The following METTL15 variants were observed in gnomAD, a reference collection of about 807,000 sequenced individuals.
METTL15 encodes the protein methyltransferase 15, mitochondrial 12S rRNA N4-cytidine.
In METTL15, 34 loss-of-function variants were observed where a neutral mutation model predicts 38.3. The ratio of observed to expected loss-of-function variants is 0.89; its 90% CI spans 0.68 to 1.18. METTL15 has a LOEUF of 1.18. Among genes scored for constraint, METTL15 ranks in the 50% most tolerant of loss-of-function variants. METTL15 has a pLI of 0.00. For missense variants in METTL15, 438 were observed against 498.4 expected, an observed-to-expected ratio of 0.88 and a Z score of 1.15; for synonymous variants, 162 against 170.9, an observed-to-expected ratio of 0.95 and a Z score of 0.41.
chr11:28,204,345 TG>T (rs1852229431), intron 3 of METTL15, among the ~76,000 whole-genome samples: 1 of 151,564 alleles, frequency 6.6e-6, no homozygotes, highest in East Asian at 1.9e-4. Context: ...AATTTAGTGT[TG>T]GCGAGACCTA....
At chr11:28,113,867 T>C (rs562162471) in intron 3 of METTL15, among the ~76,000 whole-genome samples, 3 of 152,336 alleles carry the variant, frequency 2.0e-5, no homozygotes, top group African/African-American at 7.2e-5. Flanking sequence ...ATAGGCTCTG[T>C]GTTAGCTGAT....
At chr11:28,281,375 C>T (rs2133973886) in intron 4 of METTL15, among the ~76,000 whole-genome samples, 1 of 152,266 alleles carries the variant, frequency 6.6e-6, no homozygotes, top group East Asian at 1.9e-4. Context: ...AATGAAGCTG[C>T]CGAAAGTTCT....
chr11:28,131,489 A>G (rs1398522755), intron 3 of METTL15, among the ~76,000 whole-genome samples: 1 of 137,090 alleles, frequency 7.3e-6, no homozygotes, highest in Non-Finnish European at 1.5e-5. Context: ...CCTTTCTACT[A>G]TACTTCCAAG....
chr11:28,190,767 TTAGA>T (rs563106082), intron 3 of METTL15, among the ~76,000 whole-genome samples: 89 of 151,434 alleles, frequency 5.9e-4, no homozygotes, highest in African/African-American at 1.6e-3. Flanking sequence ...CAATGTTTAC[TTAGA>T]TAGAATTGTA....
intron 6 of METTL15, among the ~76,000 whole-genome samples, chr11:28,518,626 G>A (rs1851738994): frequency 6.6e-6 from 1 of 152,152 alleles, no homozygotes; most frequent in Non-Finnish European, 1.5e-5. Context: ...TCATACTGGT[G>A]GTGAAGTAAG....
intron 6 of METTL15, among the ~76,000 whole-genome samples, chr11:28,474,482 A>G (rs543505395): frequency 6.6e-6 from 1 of 152,282 alleles, no homozygotes; most frequent in East Asian, 1.9e-4. Flanking sequence ...ATGAGAAAGT[A>G]AGCTCCTAAA....
chr11:28,170,147 C>T (rs1337397366), intron 3 of METTL15, among the ~76,000 whole-genome samples: 1 of 152,142 alleles, frequency 6.6e-6, no homozygotes, highest in Admixed American at 6.6e-5. Context: ...TCTAATCTCT[C>T]ACCAGAAGAT....
intron 6 of METTL15, among the ~76,000 whole-genome samples, chr11:28,468,264 T>C (rs1336687506): frequency 2.0e-5 from 3 of 152,180 alleles, no homozygotes; most frequent in Non-Finnish European, 4.4e-5. Flanking sequence ...GATTTTTTTC[T>C]AGTCACAAAT....
intron 3 of METTL15, among the ~76,000 whole-genome samples, chr11:28,136,974 G>A (rs1849535447): frequency 6.6e-6 from 1 of 151,498 alleles, no homozygotes. Flanking sequence ...GAGAGAAAAA[G>A]CCAGATTTCA....
chr11:28,152,283 A>G (rs914918917), intron 3 of METTL15, among the ~76,000 whole-genome samples: 1 of 151,730 alleles, frequency 6.6e-6, no homozygotes, highest in African/African-American at 2.4e-5. Context: ...CCTCATAAGC[A>G]CTAGGCCTAA....
rs114876836 is a variant in METTL15 at position 28,190,331 on chromosome 11, T to C, written c.271-20731T>C. 5.7e-3 allele frequency among the ~76,000 whole-genome samples: 866 copies of C among 151,360 alleles called. 11 individuals carry two copies. Among genetic ancestry groups the C allele is most frequent in the African/African-American group, 0.02 (818 of 41,492 alleles). ...GGTCAATTATTATTCTCAGAAGTTG[T>C]AGGCAGAATCATTTCAAACATTTGT... On this transcript the variant is annotated intron_variant, in intron 3 of 6. Coordinates refer to ENST00000407364, the MANE Select transcript of METTL15 (RefSeq NM_001113528.2).
At chr11:28,161,846 G>A (rs1228605669) in intron 3 of METTL15, among the ~76,000 whole-genome samples, 1 of 152,064 alleles carries the variant, frequency 6.6e-6, no homozygotes, top group Non-Finnish European at 1.5e-5. Flanking sequence ...GCAGGTGGTT[G>A]AAAATGAAAA....
At chr11:28,248,608 T>A (rs541016301) in intron 4 of METTL15, among the ~76,000 whole-genome samples, 20 of 152,226 alleles carry the variant, frequency 1.3e-4, no homozygotes, top group Non-Finnish European at 8.8e-5. Context: ...TATTCTAAAC[T>A]ATAATTTTTT....
chr11:28,370,225 C>A (rs944019273), intron 5 of METTL15, among the ~76,000 whole-genome samples: 35 of 151,964 alleles, frequency 2.3e-4, no homozygotes, highest in African/African-American at 8.4e-4. Context: ...ATCTCCCCTA[C>A]CTTTCTTGGC....
At chr11:28,325,852 C>G (rs1849618158) in intron 6 of METTL15, among the ~76,000 whole-genome samples, 1 of 152,086 alleles carries the variant, frequency 6.6e-6, no homozygotes, top group South Asian at 2.1e-4. Context: ...AGATCAGAGT[C>G]AAATGAGTGA....
At chr11:28,418,538 C>A (rs922280168) in intron 5 of METTL15, among the ~76,000 whole-genome samples, 2 of 152,060 alleles carry the variant, frequency 1.3e-5, no homozygotes, top group Non-Finnish European at 2.9e-5. Context: ...TCAATAGAAG[C>A]CTCTGCCGAT....
intron 6 of METTL15, among the ~76,000 whole-genome samples, chr11:28,503,562 G>A (rs1851601787): frequency 6.6e-6 from 1 of 152,136 alleles, no homozygotes; most frequent in African/African-American, 2.4e-5. Flanking sequence ...GGAGGCCAAG[G>A]CAGGTGGATC....
At chr11:28,237,456 C>G (rs964507001) in intron 4 of METTL15, among the ~76,000 whole-genome samples, 2 of 152,168 alleles carry the variant, frequency 1.3e-5, no homozygotes, top group Non-Finnish European at 2.9e-5. Context: ...GCTCCATCAG[C>G]TCCTTTAAGC....
chr11:28,386,678 A>T (rs1201371498), intron 5 of METTL15, among the ~76,000 whole-genome samples: 1 of 151,990 alleles, frequency 6.6e-6, no homozygotes, highest in Non-Finnish European at 1.5e-5. Context: ...TAATAAGGAA[A>T]TAGAGGATGT....
Sources: gnomAD v4.1 joint callset for allele counts (sites outside exome capture counted in the v4.1 genomes callset) on GRCh38, gnomAD v4.1.1 for gene constraint, MANE v1.5 for transcripts, NCBI Gene and HGNC (gene_info 2026-07-23, HGNC 2026-07-21) for gene names.